Variants in HSD17B12 observed in about 807,000 individuals in gnomAD.
HSD17B12 encodes very-long-chain 3-oxoacyl-CoA reductase.
Under a neutral mutation model 39.3 loss-of-function variants are expected in HSD17B12, and 32 were observed. The observed-to-expected ratio is 0.81, with a 90% CI of 0.61 to 1.09. The LOEUF (loss-of-function observed/expected upper bound fraction) is 1.09. Ranked by LOEUF, HSD17B12 falls within the 50% of genes least tolerant of loss-of-function variation. The probability of loss-of-function intolerance (pLI) is 0.00; values close to 1 mark genes in which losing one functional copy is unlikely to be tolerated. For missense variants in HSD17B12, 342 were observed against 382.9 expected (o/e 0.89, Z 0.89); for synonymous variants, 150 against 146.7 (o/e 1.02, Z -0.16).
At chr11:43,825,035 G>A (rs971144809) in intron 6 of HSD17B12, among the ~76,000 whole-genome samples, 1 of 152,062 alleles carries the variant, frequency 6.6e-6, no homozygotes, top group African/African-American at 2.4e-5. Context: ...GGAGGCTGAG[G>A]CAGGAGGATT....
chr11:43,582,923 T>C, the HSD17B12 span, among the ~76,000 whole-genome samples: 2 of 152,320 alleles, frequency 1.3e-5, no homozygotes, highest in Admixed American at 6.5e-5. Flanking sequence ...GCAAAGGAGA[T>C]GGAGCAAAAA....
At chr11:43,562,367 T>C in the HSD17B12 span, among the ~76,000 whole-genome samples, 1 of 152,256 alleles carries the variant, frequency 6.6e-6, no homozygotes, top group Non-Finnish European at 1.5e-5. Flanking sequence ...ATTCAAATCT[T>C]TCTTAGCTCT....
At chr11:43,744,275 G>A (rs1328715393) in intron 1 of HSD17B12, among the ~76,000 whole-genome samples, 1 of 152,064 alleles carries the variant, frequency 6.6e-6, no homozygotes, top group African/African-American at 2.4e-5. Context: ...GCACCAGTGA[G>A]TGGAAAAACA....
chr11:43,841,804 A>G (rs1164467152), intron 9 of HSD17B12, among the ~76,000 whole-genome samples: 2 of 152,252 alleles, frequency 1.3e-5, no homozygotes, highest in South Asian at 2.1e-4. Flanking sequence ...TGTGGCTTTC[A>G]TTCCTGTGAG....
chr11:43,695,939 A>C (rs909643463), intron 1 of HSD17B12, among the ~76,000 whole-genome samples: 1 of 152,158 alleles, frequency 6.6e-6, no homozygotes, highest in Non-Finnish European at 1.5e-5. Flanking sequence ...ATATTATTTC[A>C]TCACCGAGGT....
chr11:43,760,234 G>C (rs974407886), intron 3 of HSD17B12, among the ~76,000 whole-genome samples: 12 of 151,840 alleles, frequency 7.9e-5, no homozygotes, highest in African/African-American at 2.9e-4. Flanking sequence ...ATTTTTCGCA[G>C]AAACAGGGTT....
intron 4 of HSD17B12, among the ~76,000 whole-genome samples, chr11:43,798,652 C>T (rs1397679097): frequency 6.6e-6 from 1 of 151,970 alleles, no homozygotes. Flanking sequence ...TGTTATTTCT[C>T]TTATTCTCTG....
intron 8 of HSD17B12, among the ~76,000 whole-genome samples, chr11:43,839,730 G>C (rs1023783333): frequency 1.3e-5 from 2 of 151,946 alleles, no homozygotes; most frequent in Admixed American, 6.6e-5. Context: ...ATTTTCTGAG[G>C]GGAGAAAAAG....
At chr11:43,563,745 G>T in the HSD17B12 span, among the ~76,000 whole-genome samples, 1 of 152,148 alleles carries the variant, frequency 6.6e-6, no homozygotes, top group Non-Finnish European at 1.5e-5. Context: ...TTGAGCCTGG[G>T]AATTCGAGCT....
chr11:43,663,915 T>G, the HSD17B12 span, among the ~76,000 whole-genome samples: 1 of 151,984 alleles, frequency 6.6e-6, no homozygotes, highest in Non-Finnish European at 1.5e-5. Flanking sequence ...CAGGCTGGAG[T>G]GCAGTGGCGT....
chr11:43,686,872 A>G (rs950314880), intron 1 of HSD17B12, among the ~76,000 whole-genome samples: 3 of 152,198 alleles, frequency 2.0e-5, no homozygotes, highest in Admixed American at 1.3e-4. Flanking sequence ...TTTAGAAGAA[A>G]GAGTTGATAT....
At chr11:43,641,521 T>A in the HSD17B12 span, among the ~76,000 whole-genome samples, 1 of 151,970 alleles carries the variant, frequency 6.6e-6, no homozygotes, top group African/African-American at 2.4e-5. Context: ...TTAATTAAGA[T>A]TTGTGCAGTA....
chr11:43,687,045 A>G (rs1484693252), intron 1 of HSD17B12, among the ~76,000 whole-genome samples: 1 of 152,214 alleles, frequency 6.6e-6, no homozygotes, highest in Non-Finnish European at 1.5e-5. Flanking sequence ...TTACATAACA[A>G]AATTTATAAG....
the HSD17B12 span, among the ~76,000 whole-genome samples, chr11:43,616,649 G>GCCCAAGGT: frequency 6.6e-6 from 1 of 151,484 alleles, no homozygotes; most frequent in Non-Finnish European, 1.5e-5. Context: ...GGCATAACTT[G>GCCCAAGGT]CCCAAGGTCC....
intron 6 of HSD17B12, chr11:43,830,769 G>T: frequency 2.5e-6 from 1 of 398,718 alleles, no homozygotes; most frequent in South Asian, 5.4e-5. Context: ...AGTATTCCCT[G>T]TGTTCTCTCC....
intron 3 of HSD17B12, among the ~76,000 whole-genome samples, chr11:43,774,906 C>T (rs189788076): frequency 2.0e-4 from 31 of 152,202 alleles, no homozygotes; most frequent in African/African-American, 7.5e-4. Context: ...CATTATATGG[C>T]AAAGGCAATG....
chr11:43,808,888 G>A (rs1055776589), intron 4 of HSD17B12, among the ~76,000 whole-genome samples: 30 of 152,332 alleles, frequency 2.0e-4, no homozygotes, highest in African/African-American at 7.0e-4. Context: ...ACATGTGCTA[G>A]CTAAAGCAAT....
intron 1 of HSD17B12, among the ~76,000 whole-genome samples, chr11:43,749,405 A>T (rs1950445027): frequency 6.6e-6 from 1 of 152,176 alleles, no homozygotes; most frequent in Non-Finnish European, 1.5e-5. Flanking sequence ...TGTTATTTAT[A>T]ATTTTAGGAA....
intron 9 of HSD17B12, among the ~76,000 whole-genome samples, chr11:43,843,371 A>T (rs1320625339): frequency 6.6e-6 from 1 of 152,190 alleles, no homozygotes; most frequent in Non-Finnish European, 1.5e-5. Context: ...TTATCAGCTG[A>T]TTCTGCCTCG....
Sources: allele counts gnomAD v4.1 joint callset (sites outside exome capture counted in the v4.1 genomes callset), GRCh38; gene constraint gnomAD v4.1.1; transcripts MANE v1.5; gene names NCBI Gene and HGNC (gene_info 2026-07-23, HGNC 2026-07-21).